GRIA4: variants seen among roughly 807,000 people sequenced by gnomAD.
The protein encoded by GRIA4 is glutamate receptor 4.
In GRIA4, 34 loss-of-function variants were observed where a neutral mutation model predicts 104.0. The ratio of observed to expected loss-of-function variants is 0.33; its 90% CI spans 0.25 to 0.44. GRIA4 has a LOEUF of 0.44. Among genes scored for constraint, GRIA4 ranks in the 20% least tolerant of loss-of-function variants. GRIA4 has a pLI of 1.00. For missense variants in GRIA4, 750 were observed against 1,096.5 expected, an observed-to-expected ratio of 0.68 and a Z score of 4.46; for synonymous variants, 386 against 381.9, an observed-to-expected ratio of 1.01 and a Z score of -0.13.
chr11:105,776,957 G>A (rs371074283), intron 4 of GRIA4, among the ~76,000 whole-genome samples: 204 of 152,252 alleles, frequency 1.3e-3, no homozygotes, highest in African/African-American at 4.6e-3. Context: ...CACTAACAGG[G>A]AGTTCCCTTG....
At chr11:105,654,299 A>G (rs1951777973) in intron 3 of GRIA4, among the ~76,000 whole-genome samples, 1 of 151,846 alleles carries the variant, frequency 6.6e-6, no homozygotes, top group Admixed American at 6.6e-5. Flanking sequence ...GCTGACTGTG[A>G]CTATAGTTAA....
intron 3 of GRIA4, among the ~76,000 whole-genome samples, chr11:105,657,278 C>G (rs1951872411): frequency 6.6e-6 from 1 of 151,946 alleles, no homozygotes; most frequent in South Asian, 2.1e-4. Flanking sequence ...AAAGTGTACA[C>G]TGCTTGTGTG....
At chr11:105,641,513 T>C (rs1232898779) in intron 3 of GRIA4, among the ~76,000 whole-genome samples, 1 of 152,182 alleles carries the variant, frequency 6.6e-6, no homozygotes, top group Non-Finnish European at 1.5e-5. Context: ...ATTTGGAGGA[T>C]ATATTTTTTA....
chr11:105,876,694 T>G (rs1231989032), intron 5 of GRIA4, among the ~76,000 whole-genome samples: 1 of 152,220 alleles, frequency 6.6e-6, no homozygotes, highest in Admixed American at 6.5e-5. Flanking sequence ...TTTTTGATCT[T>G]TGTTGATTTA....
At chr11:105,679,348 A>C (rs1952638628) in intron 3 of GRIA4, among the ~76,000 whole-genome samples, 1 of 152,160 alleles carries the variant, frequency 6.6e-6, no homozygotes, top group Non-Finnish European at 1.5e-5. Flanking sequence ...ATTTGACCAA[A>C]TATCTGGGCA....
At chr11:105,751,648 T>C (rs531999812) in intron 3 of GRIA4, among the ~76,000 whole-genome samples, 1 of 152,308 alleles carries the variant, frequency 6.6e-6, no homozygotes, top group South Asian at 2.1e-4. Flanking sequence ...TATTTCTATT[T>C]AGAATCTGAA....
intron 6 of GRIA4, among the ~76,000 whole-genome samples, chr11:105,897,993 T>G (rs1011351968): frequency 4.6e-5 from 7 of 152,146 alleles, no homozygotes; most frequent in Non-Finnish European, 8.8e-5. Context: ...CCCTTTATAC[T>G]TCATAAAAGG....
intron 3 of GRIA4, among the ~76,000 whole-genome samples, chr11:105,727,703 G>A (rs925042305): frequency 4.0e-4 from 61 of 152,178 alleles, no homozygotes; most frequent in Admixed American, 1.5e-3. Flanking sequence ...CAAGCCACAA[G>A]AGAGTGGGGG....
At chr11:105,926,253 A>G (rs1947702198) in intron 12 of GRIA4, among the ~76,000 whole-genome samples, 1 of 152,092 alleles carries the variant, frequency 6.6e-6, no homozygotes, top group African/African-American at 2.4e-5. Flanking sequence ...TCAGAAAGGT[A>G]TTTACAAACT....
At chr11:105,776,906 C>T (rs1015630067) in intron 4 of GRIA4, among the ~76,000 whole-genome samples, 1 of 152,146 alleles carries the variant, frequency 6.6e-6, no homozygotes, top group Non-Finnish European at 1.5e-5. Context: ...TCTCAAACTG[C>T]ATTTTGGATA....
At chr11:105,743,292 A>G (rs1939434822) in intron 3 of GRIA4, among the ~76,000 whole-genome samples, 1 of 152,188 alleles carries the variant, frequency 6.6e-6, no homozygotes, top group South Asian at 2.1e-4. Context: ...TCAAATGTTA[A>G]CAACAACCTG....
rs533997188 is a variant in GRIA4 at position 105,621,951 on chromosome 11, G to A, written c.247+9517G>A. Among the ~76,000 whole-genome samples the A allele has an allele frequency of 8.9e-4, 135 of 151,418 alleles. 1 individual carries two copies. Among genetic ancestry groups the A allele is most frequent in the Admixed American group, 3.6e-3 (54 of 15,170 alleles). ...TTACACATTTTTGGTTAATTGAGAG[G>A]CTTAAGACAATTTTATTTATCAGAT... is the stretch of plus-strand genomic sequence containing the variant. On this transcript the variant is annotated intron_variant, in intron 3 of 16. Coordinates refer to ENST00000282499, the MANE Select transcript of GRIA4 (RefSeq NM_000829.4).
At chr11:105,640,655 C>T (rs533984306) in intron 3 of GRIA4, among the ~76,000 whole-genome samples, 58 of 151,782 alleles carry the variant, frequency 3.8e-4, no homozygotes, top group Middle Eastern at 3.4e-3. Context: ...AACAATTTGA[C>T]CACATTTCTA....
chr11:105,662,007 T>TGTG (rs1952027440), intron 3 of GRIA4, among the ~76,000 whole-genome samples: 1 of 149,852 alleles, frequency 6.7e-6, no homozygotes, highest in African/African-American at 2.4e-5. Flanking sequence ...GTGTGTGTGT[T>TGTG]TGTGTGTGTG....
At chr11:105,861,037 T>G (rs1945205195) in intron 4 of GRIA4, among the ~76,000 whole-genome samples, 1 of 151,936 alleles carries the variant, frequency 6.6e-6, no homozygotes, top group South Asian at 2.1e-4. Context: ...ATATTGCATT[T>G]CCTGAAGAAA....
intron 4 of GRIA4, among the ~76,000 whole-genome samples, chr11:105,824,101 C>T (rs750930319): frequency 6.6e-5 from 10 of 152,064 alleles, no homozygotes; most frequent in East Asian, 1.9e-4. Flanking sequence ...TTCTAATCTC[C>T]GGAACTGTGA....
intron 4 of GRIA4, among the ~76,000 whole-genome samples, chr11:105,795,857 C>T (rs2135820057): frequency 6.6e-6 from 1 of 152,072 alleles, no homozygotes; most frequent in African/African-American, 2.4e-5. Context: ...TAGCTGTTGC[C>T]TAAAAATACA....
chr11:105,768,435 C>T (rs1941054323), intron 4 of GRIA4, among the ~76,000 whole-genome samples: 1 of 152,038 alleles, frequency 6.6e-6, no homozygotes, highest in South Asian at 2.1e-4. Context: ...AAGAAACAAT[C>T]ATTTGAGGAT....
intron 14 of GRIA4, among the ~76,000 whole-genome samples, chr11:105,942,540 A>ATTAT (rs1948208601): frequency 1.3e-5 from 2 of 152,112 alleles, no homozygotes. Context: ...AAGGAACTGT[A>ATTAT]TAATACACTT....
Sources: allele counts gnomAD v4.1 joint callset (sites outside exome capture counted in the v4.1 genomes callset), GRCh38; gene constraint gnomAD v4.1.1; transcripts MANE v1.5; gene names NCBI Gene and HGNC (gene_info 2026-07-23, HGNC 2026-07-21).